Variants in USP45 observed in about 807,000 individuals in gnomAD.
The protein encoded by USP45 is ubiquitin carboxyl-terminal hydrolase 45.
A neutral mutation model predicts 95.8 loss-of-function variants in USP45; 89 were observed. The ratio of observed to expected loss-of-function variants is 0.93; its 90% CI spans 0.78 to 1.11. The LOEUF (loss-of-function observed/expected upper bound fraction) is 1.11. Among genes scored for constraint, USP45 ranks in the 50% least tolerant of loss-of-function variants. The pLI is 0.00. For missense variants in USP45, 898 were observed against 942.5 expected (o/e 0.95, Z 0.62); for synonymous variants, 281 against 316.2 (o/e 0.89, Z 1.18).
chr6:99,484,161 CTT>C (rs199806884), intron 7 of USP45, among the ~76,000 whole-genome samples: 136 of 150,006 alleles, frequency 9.1e-4, no homozygotes, highest in East Asian at 6.6e-3. Context: ...TCAAGACAGA[CTT>C]TTGTGTTTTT....
chr6:99,464,718 C>T lies in USP45; in HGVS notation c.1194G>A (p.Met398Ile), dbSNP rs61753658. 5,635 of 1,609,518 alleles carry T rather than the reference C, an allele frequency of 3.5e-3. 84 individuals are homozygous for T. The African/African-American group carries it at 0.046, about 13-fold the overall frequency. ...TCTCCCGTAAACTTCTATATTTATTCATTCTTCCCCAAAGTAAAGGTTTTG... is the reference window on the plus strand; with the variant it reads ...TCTCCCGTAAACTTCTATATTTATTTATTCTTCCCCAAAGTAAAGGTTTTG... ...RVSKPLLWGR[M>I]NKYRSLRETD... The change falls in exon 13 of 18, where the codon ATG becomes ATA. Residue 398 changes from methionine (M) to isoleucine (I), a missense_variant. Transcript: ENST00000500704.
At chr6:99,448,412 G>A (rs564056286) in intron 13 of USP45, among the ~76,000 whole-genome samples, 5 of 152,162 alleles carry the variant, frequency 3.3e-5, no homozygotes, top group African/African-American at 4.8e-5. Flanking sequence ...TTCAGTAGCC[G>A]ATTTGATCAA....
chr6:99,462,472 C>T, intron 13 of USP45: 1 of 983,284 alleles, frequency 1.0e-6, no homozygotes, highest in African/African-American at 1.7e-5. Context: ...ATTTTAATAA[C>T]CAGTGCTTTT....
intron 9 of USP45, among the ~76,000 whole-genome samples, chr6:99,471,658 A>C (rs1398911585): frequency 1.3e-5 from 2 of 152,252 alleles, no homozygotes; most frequent in Non-Finnish European, 2.9e-5. Context: ...TACTATATTC[A>C]GCAAGAGTAT....
intron 14 of USP45, 136 bp downstream of exon 14, chr6:99,445,661 C>A: frequency 1.5e-6 from 1 of 683,440 alleles, no homozygotes; most frequent in Non-Finnish European, 2.3e-6. Context: ...CGCTCAGGTA[C>A]AAATATGAAT....
At chr6:99,477,581 G>A (rs1385992141) in intron 8 of USP45, among the ~76,000 whole-genome samples, 4 of 152,122 alleles carry the variant, frequency 2.6e-5, no homozygotes, top group South Asian at 4.1e-4. Flanking sequence ...TCAAAGTGCT[G>A]GAATTACAGG....
chr6:99,437,822 T>C (rs867209304), intron 16 of USP45, among the ~76,000 whole-genome samples: 1 of 152,292 alleles, frequency 6.6e-6, no homozygotes, highest in Middle Eastern at 3.4e-3. Flanking sequence ...CACGCCCAGC[T>C]AATTTTTGTA....
rs1340471488 is a variant in USP45, at chr6:99,483,831, C to T, written c.715-948G>A. 1.3e-3 allele frequency among the ~76,000 whole-genome samples: 110 copies of T among 86,724 alleles called. 1 individual carries two copies. The highest frequency in any genetic ancestry group is 5.5e-3 in the African/African-American group (102 of 18,626). 56.9% of individuals were successfully genotyped at this position (86,724 alleles called of 152,430 possible). ...CCGCAGTCCGGCCTGGGCGACAGAG[C>T]GAGACTCCGTCTCAAAAAAAAAAAA... is the stretch of plus-strand genomic sequence containing the variant. On this transcript the variant is annotated intron_variant, in intron 7 of 17. Transcript: ENST00000500704.
chr6:99,500,573 G>C (rs1405549100), intron 5 of USP45, among the ~76,000 whole-genome samples: 1 of 152,014 alleles, frequency 6.6e-6, no homozygotes, highest in Non-Finnish European at 1.5e-5. Context: ...AAAAAATCCA[G>C]AGAAAATAAT....
chr6:99,439,957 T>C (rs1781221801), intron 15 of USP45, 102 bp from the exon 16 acceptor site: 4 of 819,540 alleles, frequency 4.9e-6, no homozygotes, highest in Middle Eastern at 2.5e-4. Flanking sequence ...AGTTTTTTCA[T>C]AGATAAAAAA....
intron 7 of USP45, among the ~76,000 whole-genome samples, chr6:99,483,102 A>G (rs1792841954): frequency 6.6e-6 from 1 of 152,182 alleles, no homozygotes; most frequent in African/African-American, 2.4e-5. Flanking sequence ...TTGCTTAATA[A>G]AACTATTAGA....
At chr6:99,477,101 A>G (rs1791057406) in intron 8 of USP45, among the ~76,000 whole-genome samples, 1 of 152,346 alleles carries the variant, frequency 6.6e-6, no homozygotes, top group South Asian at 2.1e-4. Flanking sequence ...TAATTAGAAT[A>G]TATTATAGTA....
At chr6:99,462,145 G>A (rs1422952905) in intron 13 of USP45, 11 of 981,198 alleles carry the variant, frequency 1.1e-5, no homozygotes, top group Non-Finnish European at 1.3e-5. Flanking sequence ...TCTATTACAT[G>A]AAAAAAACGT....
At chr6:99,497,276 G>A (rs1796501859) in intron 5 of USP45, among the ~76,000 whole-genome samples, 1 of 151,982 alleles carries the variant, frequency 6.6e-6, no homozygotes, top group Non-Finnish European at 1.5e-5. Context: ...AGGGAGTTTT[G>A]TTTCTATAAG....
chr6:99,490,580 T>A (rs1794951751), intron 5 of USP45, among the ~76,000 whole-genome samples: 2 of 152,078 alleles, frequency 1.3e-5, no homozygotes, highest in South Asian at 4.2e-4. Flanking sequence ...TTTGGCTGAT[T>A]GATGGAAATA....
At chr6:99,507,900 A>G (rs1289765127) in intron 3 of USP45, among the ~76,000 whole-genome samples, 2 of 152,216 alleles carry the variant, frequency 1.3e-5, no homozygotes, top group Non-Finnish European at 2.9e-5. Flanking sequence ...GACACAGACC[A>G]ATCATAGCGA....
chr6:99,489,894 T>G (rs1794792531), intron 5 of USP45, among the ~76,000 whole-genome samples: 1 of 152,066 alleles, frequency 6.6e-6, no homozygotes, highest in Non-Finnish European at 1.5e-5. Flanking sequence ...GAGGTTGCAG[T>G]GAGCTGAGAT....
At chr6:99,437,812 C>T (rs1301384953) in intron 16 of USP45, among the ~76,000 whole-genome samples, 1 of 152,104 alleles carries the variant, frequency 6.6e-6, no homozygotes, top group Non-Finnish European at 1.5e-5. Context: ...GGTCTGTCAC[C>T]ACGCCCAGCT....
intron 5 of USP45, among the ~76,000 whole-genome samples, chr6:99,496,042 T>C (rs908592491): frequency 6.6e-6 from 1 of 152,198 alleles, no homozygotes; most frequent in Non-Finnish European, 1.5e-5. Context: ...TTTTTGAACC[T>C]AGCCCCTTGT....
Sources: allele counts gnomAD v4.1 joint callset (sites outside exome capture counted in the v4.1 genomes callset), GRCh38; gene constraint gnomAD v4.1.1; transcripts MANE v1.5; gene names NCBI Gene and HGNC (gene_info 2026-07-23, HGNC 2026-07-21).